DCAF6: variants seen among roughly 807,000 people sequenced by gnomAD.
DCAF6 encodes the protein DDB1- and CUL4-associated factor 6.
In DCAF6, 54 loss-of-function variants were observed where a neutral mutation model predicts 125.1. The observed-to-expected ratio is 0.43, with a 90% CI of 0.35 to 0.54. The LOEUF (loss-of-function observed/expected upper bound fraction) is 0.54. Ranked by LOEUF, DCAF6 falls within the 20% of genes least tolerant of loss-of-function variation. DCAF6 has a pLI of 0.01. For missense variants in DCAF6, 934 were observed against 1,161.7 expected (o/e 0.80, Z 2.85); for synonymous variants, 371 against 390.4 (o/e 0.95, Z 0.58).
intron 4 of DCAF6, among the ~76,000 whole-genome samples, chr1:167,986,210 G>T (rs189418237): frequency 6.6e-6 from 1 of 152,162 alleles, no homozygotes; most frequent in Non-Finnish European, 1.5e-5. Context: ...CCATGCAGGC[G>T]TTTATTTTTA....
chr1:168,009,355 CT>C (rs1289125716), intron 10 of DCAF6, among the ~76,000 whole-genome samples: 1,593 of 129,842 alleles, frequency 0.012, 25 homozygotes, highest in African/African-American at 0.053. Flanking sequence ...CCCTTCCTTC[CT>C]TCCTTCCTTC....
chr1:167,870,331 A>G, the DCAF6 span: 1 of 1,614,014 alleles, frequency 6.2e-7, no homozygotes, highest in African/African-American at 1.3e-5. Flanking sequence ...GTAATCCCTC[A>G]TACATTAAGA....
At chr1:167,954,433 A>C (rs1674442445) in intron 2 of DCAF6, among the ~76,000 whole-genome samples, 1 of 151,366 alleles carries the variant, frequency 6.6e-6, no homozygotes, top group Non-Finnish European at 1.5e-5. Context: ...TTTGTGCTTA[A>C]ATTTTTATTT....
chr1:168,019,862 G>A, intron 11 of DCAF6: 1 of 163,318 alleles, frequency 6.1e-6, no homozygotes. Context: ...TTCCCACAGT[G>A]TCCATAATGA....
the DCAF6 span, among the ~76,000 whole-genome samples, chr1:167,895,217 A>G: frequency 4.6e-5 from 7 of 151,398 alleles, no homozygotes; most frequent in Admixed American, 1.3e-4. Flanking sequence ...TTGCAGTATT[A>G]TGGTGCTCAA....
chr1:167,966,146 G>A (rs1299630660), intron 2 of DCAF6, among the ~76,000 whole-genome samples: 3 of 152,058 alleles, frequency 2.0e-5, no homozygotes, highest in African/African-American at 7.2e-5. Context: ...CCTCTCTGAA[G>A]GATCCAAGAT....
Position 168,038,409 on chromosome 1 carries a change from G to C in DCAF6, c.1648G>C (p.Gly550Arg). The change falls in exon 13 of 22, where the codon GGT becomes CGT. Residue 550 changes from glycine to arginine, a missense_variant. By Grantham distance (125) the Gly-to-Arg change is moderately radical. This residue lies in a region of DCAF6 where 559 missense variants were observed against 635.5 expected (regional missense o/e 0.88). Transcript: ENST00000367840. ...NEKLSPKPGT[G>R]EPVLSLHYST... ...AAAGCTGAGCCCCAAACCAGGGACA[G>C]GTGAACCAGTTTTAAGTTTGCACTA... 1 of 1,611,968 alleles carries C rather than the reference G, an allele frequency of 6.2e-7. No homozygotes were observed. Among genetic ancestry groups the C allele is most frequent in the Non-Finnish European group, 8.5e-7 (1 of 1,178,994 alleles).
Position 168,038,504 on chromosome 1 carries a change from T to G in DCAF6, c.1727+16T>G, listed in dbSNP as rs201170790. 1 of 1,518,372 alleles carries G rather than the reference T, an allele frequency of 6.6e-7. No individual in the cohort carries two copies. The highest frequency in any genetic ancestry group is 1.4e-5 in the African/African-American group (1 of 71,562). The allele number at this position is 1,518,372 out of a possible 1,614,324, so 94.1% of individuals were successfully genotyped here. On this transcript the variant is annotated intron_variant, in intron 13 of 21. Coordinates refer to ENST00000367840, the MANE Select transcript of DCAF6 (RefSeq NM_001198956.2). Reference sequence around the variant, plus strand: ...CAGATGAATGGTAAGTTAATATTTTTGTAAAGATGTTCTTAGCCATTTTGT... The same window carrying G: ...CAGATGAATGGTAAGTTAATATTTTGGTAAAGATGTTCTTAGCCATTTTGT...
At chr1:167,900,131 T>C in the DCAF6 span, among the ~76,000 whole-genome samples, 1 of 152,312 alleles carries the variant, frequency 6.6e-6, no homozygotes, top group South Asian at 2.1e-4. Flanking sequence ...TAAATGAAAG[T>C]TTTGGAACCT....
At chr1:167,957,390 G>C (rs1674946046) in intron 2 of DCAF6, among the ~76,000 whole-genome samples, 1 of 152,072 alleles carries the variant, frequency 6.6e-6, no homozygotes, top group African/African-American at 2.4e-5. Context: ...TTCACTTAGT[G>C]TAATGTTTTC....
At chr1:168,038,579 G>T in intron 13 of DCAF6, 91 bp downstream of exon 13, 1 of 952,460 alleles carries the variant, frequency 1.0e-6, no homozygotes, top group Non-Finnish European at 1.6e-6. Flanking sequence ...TTTATGTTTT[G>T]TTTTGCTATA....
At chr1:168,060,445 C>T (rs1392577108) in intron 17 of DCAF6, among the ~76,000 whole-genome samples, 2 of 152,174 alleles carry the variant, frequency 1.3e-5, no homozygotes, top group Non-Finnish European at 2.9e-5. Context: ...CTCAGACTCC[C>T]AAGTAGCTGG....
chr1:167,989,244 T>C (rs1680477241), intron 5 of DCAF6, among the ~76,000 whole-genome samples: 1 of 152,188 alleles, frequency 6.6e-6, no homozygotes, highest in African/African-American at 2.4e-5. Flanking sequence ...ACCTGTTCCT[T>C]AGAGTAAGTG....
intron 1 of DCAF6, among the ~76,000 whole-genome samples, chr1:167,947,378 G>A (rs191858740): frequency 1.3e-5 from 2 of 148,502 alleles, no homozygotes; most frequent in East Asian, 2.0e-4. Flanking sequence ...ATTTAGTTCT[G>A]CTCTGATCTT....
intron 17 of DCAF6, among the ~76,000 whole-genome samples, chr1:168,059,786 C>T (rs1302068670): frequency 2.0e-5 from 3 of 152,044 alleles, no homozygotes; most frequent in Non-Finnish European, 4.4e-5. Context: ...GCTGGGACCA[C>T]AGATGTGTGC....
chr1:168,065,567 A>T (rs1297023984), intron 18 of DCAF6, 23 bp from the exon 19 acceptor site: 1 of 1,478,834 alleles, frequency 6.8e-7, no homozygotes. Context: ...TTGAATTTTT[A>T]AATAATTTTT....
At chr1:167,945,735 T>C (rs1269326811) in intron 1 of DCAF6, among the ~76,000 whole-genome samples, 9 of 151,646 alleles carry the variant, frequency 5.9e-5, no homozygotes, top group African/African-American at 2.2e-4. Flanking sequence ...CTCTTGACCT[T>C]GTGATCCACC....
At chr1:167,922,328 C>T in the DCAF6 span, among the ~76,000 whole-genome samples, 1 of 151,928 alleles carries the variant, frequency 6.6e-6, no homozygotes, top group Non-Finnish European at 1.5e-5. Context: ...CAGTAATGAA[C>T]CAGTTCAAAT....
rs1693710277 is a variant in DCAF6, at chr1:168,075,608, G to C, written c.*173G>C. ...AATGATTGTGTGCATGAATTTGGGA[G>C]ATTGTATAAAACAAAACTAGCAGAA... On this transcript the variant is annotated 3_prime_UTR_variant, in exon 22 of 22. Coordinates refer to ENST00000367840, the MANE Select transcript of DCAF6 (RefSeq NM_001198956.2). 1 of 558,606 alleles carries C rather than the reference G, an allele frequency of 1.8e-6. No homozygotes were observed. Among genetic ancestry groups the C allele is most frequent in the East Asian group, 3.2e-5 (1 of 30,884 alleles). The allele number at this position is 558,606 out of a possible 1,614,324, so 34.6% of individuals were successfully genotyped here.
Sources: gnomAD v4.1 joint callset for allele counts (sites outside exome capture counted in the v4.1 genomes callset) on GRCh38, gnomAD v4.1.1 for gene constraint, gnomAD v4.1.1 regional missense constraint, MANE v1.5 for transcripts, NCBI Gene and HGNC (gene_info 2026-07-23, HGNC 2026-07-21) for gene names.